The following THSD4 variants were observed in gnomAD, a reference collection of about 807,000 sequenced individuals.
THSD4 encodes thrombospondin type 1 domain containing 4.
Under a neutral mutation model 119.0 loss-of-function variants are expected in THSD4, and 69 were observed. The ratio of observed to expected loss-of-function variants is 0.58; its 90% CI spans 0.48 to 0.71. The LOEUF (loss-of-function observed/expected upper bound fraction) is 0.71, where lower values mean the gene tolerates loss of function less well. THSD4 is among the 30% of genes least tolerant of loss of function. The probability of loss-of-function intolerance (pLI) is 0.00; values close to 1 mark genes in which losing one functional copy is unlikely to be tolerated. For synonymous variants in THSD4, 524 were observed against 540.4 expected (o/e 0.97, Z 0.42); for missense variants, 1,393 against 1,391.1 (o/e 1.00, Z -0.02).
chr15:71,522,560 A>G (rs1447004515), intron 7 of THSD4, among the ~76,000 whole-genome samples: 1 of 152,240 alleles, frequency 6.6e-6, no homozygotes, highest in Non-Finnish European at 1.5e-5. Flanking sequence ...AAAGAGATGT[A>G]GTCAGAATTT....
chr15:71,737,923 C>T lies in THSD4; in HGVS notation c.1822C>T (p.Pro608Ser), dbSNP rs1421694672. ...CCATCGACCGGACAACTTGGTGCCACCAGCACCGCAGCCCCCACGGCGCAG... is the reference window on the plus strand; with the variant it reads ...CCATCGACCGGACAACTTGGTGCCATCAGCACCGCAGCCCCCACGGCGCAG... ...SPHRPDNLVP[P>S]APQPPRRSRD... Residue 608 changes from proline (P) to serine (S), a missense_variant, in exon 11 of 18, where the codon CCA (proline) becomes TCA (serine). Pro to Ser is a moderately conservative substitution (Grantham distance 74). Coordinates refer to ENST00000261862, the MANE Select transcript of THSD4 (RefSeq NM_024817.3). The T allele has an allele frequency of 2.5e-6, 4 of 1,614,100 alleles. No individual in the cohort carries two copies. The highest frequency in any genetic ancestry group is 2.2e-5 in the East Asian group (1 of 44,896).
At chr15:71,496,698 C>G (rs915362155) in intron 7 of THSD4, among the ~76,000 whole-genome samples, 1 of 152,222 alleles carries the variant, frequency 6.6e-6, no homozygotes, top group Non-Finnish European at 1.5e-5. Context: ...CTATAGCCAT[C>G]TAACCAGGCA....
rs2047881498 is a variant in THSD4, at chr15:71,489,596, C to T, written c.1152+77773C>T. Among the ~76,000 whole-genome samples the T allele has an allele frequency of 2.6e-5, 4 of 152,188 alleles. No homozygotes were observed. In the South Asian group the frequency reaches 8.3e-4, roughly 32 times the overall value. ...TGAAATCTGCTGCCTCTAGACTCTC[C>T]CCTACTCCGCTTCTCCACATTTCCT... On this transcript the variant is annotated intron_variant, in intron 7 of 17. Coordinates refer to ENST00000261862, the MANE Select transcript of THSD4 (RefSeq NM_024817.3).
chr15:71,738,346 G>GT, intron 11 of THSD4: 1 of 238,528 alleles, frequency 4.2e-6, no homozygotes, highest in Admixed American at 5.1e-5. Context: ...GTTCCTAACA[G>GT]GCCATGGACT....
At chr15:71,351,571 T>C (rs138663904) in intron 6 of THSD4, among the ~76,000 whole-genome samples, 4 of 152,332 alleles carry the variant, frequency 2.6e-5, no homozygotes, top group Admixed American at 2.6e-4. Context: ...AAATCTTTTA[T>C]AACTTCAAAA....
rs1022746109 is a variant in THSD4 at position 71,777,727 on chromosome 15, C to T, written c.*353C>T. On this transcript the variant is annotated 3_prime_UTR_variant, in exon 18 of 18. Transcript: ENST00000261862. ...GTCAGCAGATGGGCCACTGACTGAG[C>T]ACTGCCCCGTCCCTGGTGCTACTGG... 11 of 300,248 alleles carry T rather than the reference C, an allele frequency of 3.7e-5. No individual in the cohort carries two copies. The highest frequency in any genetic ancestry group is 1.4e-4 in the East Asian group (2 of 14,256). 18.6% of individuals were successfully genotyped at this position (300,248 alleles called of 1,614,324 possible). A position where few individuals can be genotyped will look rare whatever the true frequency, so the allele number is the denominator to read the frequency against.
chr15:71,780,747 C>T lies in THSD4; in HGVS notation c.*3373C>T, dbSNP rs550532582. Reference sequence around the variant, plus strand: ...TACCTTACCTCTCTGGCCCAGAGTTCTTGGAGGGTTTTTTCTTTATTTTCT... The same window carrying T: ...TACCTTACCTCTCTGGCCCAGAGTTTTTGGAGGGTTTTTTCTTTATTTTCT... On this transcript the variant is annotated 3_prime_UTR_variant, in exon 18 of 18. Coordinates refer to ENST00000261862, the MANE Select transcript of THSD4 (RefSeq NM_024817.3). The T allele has an allele frequency of 1.2e-4, 54 of 455,082 alleles. No individual in the cohort carries two copies. Among genetic ancestry groups the T allele is most frequent in the African/African-American group, 1.1e-3 (54 of 50,018 alleles). The allele number at this position is 455,082 out of a possible 1,614,324, so 28.2% of individuals were successfully genotyped here. A position where few individuals can be genotyped will look rare whatever the true frequency, so the allele number is the denominator to read the frequency against.
intron 7 of THSD4, among the ~76,000 whole-genome samples, chr15:71,521,481 G>T (rs565704047): frequency 1.3e-4 from 20 of 152,208 alleles, no homozygotes; most frequent in African/African-American, 4.6e-4. Context: ...TGGATGATCG[G>T]ATCTCAGTTT....
intron 3 of THSD4, among the ~76,000 whole-genome samples, chr15:71,199,627 G>GGTGTGTGTGGT (rs1323081350): frequency 5.5e-4 from 38 of 68,876 alleles, no homozygotes; most frequent in African/African-American, 2.7e-3. Flanking sequence ...GTGGGTGTGT[G>GGTGTGTGTGGT]GTGTGTGTGG....
chr15:71,380,457 G>T (rs892782552), intron 6 of THSD4, among the ~76,000 whole-genome samples: 1 of 152,002 alleles, frequency 6.6e-6, no homozygotes, highest in African/African-American at 2.4e-5. Context: ...TCAATGAATG[G>T]CTGCATACAA....
chr15:71,236,719 A>G (rs2044108815), intron 4 of THSD4, among the ~76,000 whole-genome samples: 1 of 152,210 alleles, frequency 6.6e-6, no homozygotes, highest in South Asian at 2.1e-4. Context: ...CTATAGGGAT[A>G]TAAGAAATAA....
intron 7 of THSD4, among the ~76,000 whole-genome samples, chr15:71,512,300 C>G (rs1339708221): frequency 6.6e-6 from 1 of 152,174 alleles, no homozygotes; most frequent in Non-Finnish European, 1.5e-5. Context: ...GCAAATTACC[C>G]TTAATTTTGC....
chr15:71,499,717 A>G (rs143213922), intron 7 of THSD4, among the ~76,000 whole-genome samples: 161 of 152,290 alleles, frequency 1.1e-3, no homozygotes, highest in African/African-American at 3.8e-3. Flanking sequence ...CAGTTTGGCT[A>G]CTTTAAATGC....
intron 4 of THSD4, among the ~76,000 whole-genome samples, chr15:71,240,206 T>C (rs2044140062): frequency 6.6e-6 from 1 of 152,190 alleles, no homozygotes; most frequent in Admixed American, 6.5e-5. Flanking sequence ...GTTCTTCTTC[T>C]GCTCCCCAAG....
intron 7 of THSD4, among the ~76,000 whole-genome samples, chr15:71,415,472 T>C (rs942544502): frequency 2.0e-5 from 3 of 152,242 alleles, no homozygotes; most frequent in African/African-American, 7.2e-5. Context: ...GCAAACAATA[T>C]ATAATAATCA....
chr15:71,583,150 T>G (rs1033587808), intron 7 of THSD4, among the ~76,000 whole-genome samples: 1 of 152,194 alleles, frequency 6.6e-6, no homozygotes, highest in Admixed American at 6.5e-5. Context: ...TTAGTCTTAG[T>G]AGGTGGTATA....
At chr15:71,557,081 C>G (rs556803680) in intron 7 of THSD4, among the ~76,000 whole-genome samples, 13 of 152,324 alleles carry the variant, frequency 8.5e-5, no homozygotes, top group Admixed American at 5.9e-4. Context: ...GAGAACACTT[C>G]TGACATTCTG....
At chr15:71,408,630 T>C (rs867696751) in intron 6 of THSD4, among the ~76,000 whole-genome samples, 27 of 152,106 alleles carry the variant, frequency 1.8e-4, no homozygotes, top group Admixed American at 2.6e-4. Context: ...GGCAGAAGGA[T>C]CACTTGAGAC....
At chr15:71,471,150 TCTC>T (rs1436069864) in intron 7 of THSD4, among the ~76,000 whole-genome samples, 1 of 152,110 alleles carries the variant, frequency 6.6e-6, no homozygotes, top group African/African-American at 2.4e-5. Flanking sequence ...ACTTTGCTGC[TCTC>T]CTCCCATCCA....
Sources: allele counts gnomAD v4.1 joint callset (sites outside exome capture counted in the v4.1 genomes callset), GRCh38; gene constraint gnomAD v4.1.1; transcripts MANE v1.5; gene names NCBI Gene and HGNC (gene_info 2026-07-23, HGNC 2026-07-21).